The following ENPP2 variants were observed in gnomAD, a reference collection of about 807,000 sequenced individuals.
ENPP2 encodes ectonucleotide pyrophosphatase/phosphodiesterase 2.
In ENPP2, 51 loss-of-function variants were observed where a neutral mutation model predicts 120.2. The observed-to-expected ratio is 0.42, with a 90% CI of 0.34 to 0.54. The LOEUF (loss-of-function observed/expected upper bound fraction) is 0.54, where lower values mean the gene tolerates loss of function less well. ENPP2 is among the 20% of genes least tolerant of loss of function. The pLI is 0.04. For missense variants in ENPP2, 920 were observed against 1,066.5 expected (o/e 0.86, Z 1.91); for synonymous variants, 365 against 366.4 (o/e 1.00, Z 0.04).
At chr8:119,591,529 T>C (rs1185494938) in intron 12 of ENPP2, among the ~76,000 whole-genome samples, 1 of 152,182 alleles carries the variant, frequency 6.6e-6, no homozygotes, top group East Asian at 1.9e-4. Context: ...TTTTAATATA[T>C]TGCTCAGTAC....
At chr8:119,632,989 A>G (rs1816774819) in intron 2 of ENPP2, among the ~76,000 whole-genome samples, 1 of 152,190 alleles carries the variant, frequency 6.6e-6, no homozygotes. Context: ...CTTGAGGTGG[A>G]GGTTGCAGTG....
chr8:119,573,768 G>C (rs112929499), intron 19 of ENPP2, among the ~76,000 whole-genome samples: 23,057 of 151,878 alleles, frequency 0.15, 2,124 homozygotes, highest in African/African-American at 0.25. Context: ...AAGATCGTGC[G>C]ACTGCACTCC....
chr8:119,615,140 G>A (rs1815373190), intron 8 of ENPP2, among the ~76,000 whole-genome samples: 1 of 151,918 alleles, frequency 6.6e-6, no homozygotes, highest in Non-Finnish European at 1.5e-5. Flanking sequence ...AGATTTCCAG[G>A]TACAAGATCA....
chr8:119,605,468 T>TG (rs1587459221), intron 9 of ENPP2, among the ~76,000 whole-genome samples: 1 of 78,010 alleles, frequency 1.3e-5, no homozygotes, highest in Non-Finnish European at 2.5e-5. Context: ...GTGTGTGTAT[T>TG]TTTTTTTTTG....
intron 2 of ENPP2, among the ~76,000 whole-genome samples, chr8:119,633,560 A>C (rs1306713944): frequency 1.3e-5 from 2 of 151,882 alleles, no homozygotes; most frequent in South Asian, 4.1e-4. Flanking sequence ...GGCATTCAAG[A>C]TGCTGCCCAG....
chr8:119,608,432 T>G (rs1367885507), intron 8 of ENPP2, among the ~76,000 whole-genome samples: 2 of 152,244 alleles, frequency 1.3e-5, no homozygotes, highest in East Asian at 3.8e-4. Flanking sequence ...TGTCTTGTTT[T>G]AGTTTAAACT....
At chr8:119,625,336 A>C (rs974978428) in intron 3 of ENPP2, among the ~76,000 whole-genome samples, 6 of 152,236 alleles carry the variant, frequency 3.9e-5, no homozygotes, top group African/African-American at 1.4e-4. Context: ...GCAACCCCCA[A>C]AAAAGTGGTT....
chr8:119,596,000 C>G, intron 11 of ENPP2: 8 of 1,613,864 alleles, frequency 5.0e-6, no homozygotes, highest in Non-Finnish European at 5.9e-6. Flanking sequence ...CATAACTACT[C>G]TCCTGTACTG....
At chr8:119,563,389 G>A (rs1019323929) in intron 23 of ENPP2, among the ~76,000 whole-genome samples, 1 of 152,154 alleles carries the variant, frequency 6.6e-6, no homozygotes, top group African/African-American at 2.4e-5. Context: ...TATTATTTAG[G>A]TAGTAATGCT....
At chr8:119,579,632 G>A (rs1029589825) in intron 19 of ENPP2, among the ~76,000 whole-genome samples, 2 of 151,656 alleles carry the variant, frequency 1.3e-5, no homozygotes, top group Non-Finnish European at 2.9e-5. Context: ...ATCATTGTAC[G>A]TAAAGTAAGA....
chr8:119,619,335 G>A (rs754623774), intron 4 of ENPP2, 31 bp from the exon 5 acceptor site: 1 of 1,460,358 alleles, frequency 6.8e-7, no homozygotes, highest in Non-Finnish European at 9.6e-7. Context: ...ATGTATTGTT[G>A]AATCTAATTA....
At chr8:119,671,561 G>C (rs758292827) in intron 1 of ENPP2, among the ~76,000 whole-genome samples, 5 of 152,192 alleles carry the variant, frequency 3.3e-5, no homozygotes, top group South Asian at 2.1e-4. Flanking sequence ...TGATTCTGTT[G>C]TGTCTGACTT....
At chr8:119,623,698 T>C (rs1451013908) in intron 3 of ENPP2, among the ~76,000 whole-genome samples, 1 of 151,986 alleles carries the variant, frequency 6.6e-6, no homozygotes, top group Non-Finnish European at 1.5e-5. Flanking sequence ...TAATCTCAGC[T>C]CACTGCAACC....
At chr8:119,580,233 C>A in intron 18 of ENPP2, 66 bp from the exon 19 acceptor site, 2 of 1,293,782 alleles carry the variant, frequency 1.5e-6, no homozygotes, top group African/African-American at 1.4e-5. Flanking sequence ...CCCTCTGTGC[C>A]CTTCTGTCGA....
At chr8:119,609,642 G>A (rs1814955014) in intron 8 of ENPP2, among the ~76,000 whole-genome samples, 1 of 152,158 alleles carries the variant, frequency 6.6e-6, no homozygotes, top group Non-Finnish European at 1.5e-5. Context: ...CTCAAATGAA[G>A]TGCTGGACAC....
At chr8:119,637,813 C>T (rs1049538786) in intron 2 of ENPP2, among the ~76,000 whole-genome samples, 1 of 152,132 alleles carries the variant, frequency 6.6e-6, no homozygotes, top group African/African-American at 2.4e-5. Context: ...TAAAAAGAAA[C>T]TCTTTCACTT....
intron 1 of ENPP2, among the ~76,000 whole-genome samples, chr8:119,671,355 G>C (rs1046873098): frequency 1.2e-4 from 18 of 152,084 alleles, no homozygotes; most frequent in Non-Finnish European, 5.9e-5. Flanking sequence ...TGGAGGTATG[G>C]GCTGGGCAGG....
At chr8:119,645,801 G>A (rs1817428541) in intron 1 of ENPP2, among the ~76,000 whole-genome samples, 1 of 147,732 alleles carries the variant, frequency 6.8e-6, no homozygotes, top group Non-Finnish European at 1.5e-5. Flanking sequence ...GGCAACAGGA[G>A]CGAAACTCAA....
intron 19 of ENPP2, chr8:119,571,352 T>A (rs1366960038): frequency 6.6e-6 from 1 of 152,260 alleles, no homozygotes; most frequent in Non-Finnish European, 1.5e-5. Context: ...AGCAGCTTTG[T>A]CATACAGAGG....
Sources: allele counts gnomAD v4.1 joint callset (sites outside exome capture counted in the v4.1 genomes callset), GRCh38; gene constraint gnomAD v4.1.1; transcripts MANE v1.5; gene names NCBI Gene and HGNC (gene_info 2026-07-23, HGNC 2026-07-21).